KDM8: variants seen among roughly 807,000 people sequenced by gnomAD.
The protein encoded by KDM8 is bifunctional peptidase and arginyl-hydroxylase JMJD5.
Under a neutral mutation model 46.9 loss-of-function variants are expected in KDM8, and 35 were observed. The ratio of observed to expected loss-of-function variants is 0.75; its 90% CI spans 0.57 to 0.99. The LOEUF is 0.99. Ranked by LOEUF, KDM8 falls within the 50% of genes least tolerant of loss-of-function variation. KDM8 has a pLI of 0.00. For synonymous variants in KDM8, 232 were observed against 227.7 expected (o/e 1.02, Z -0.17); for missense variants, 475 against 537.0 (o/e 0.88, Z 1.14).
intron 6 of KDM8, 116 bp from the exon 7 acceptor site, chr16:27,220,277 G>T: frequency 1.2e-6 from 1 of 816,154 alleles, no homozygotes; most frequent in South Asian, 1.4e-5. Flanking sequence ...TGTGTGTGGT[G>T]GGGAAGGGCA....
chr16:27,210,632 G>A lies in KDM8; in HGVS notation c.498+11G>A. 1 of 1,501,990 alleles carries A rather than the reference G, an allele frequency of 6.7e-7. No homozygotes were observed. Among genetic ancestry groups the A allele is most frequent in the Non-Finnish European group, 8.9e-7 (1 of 1,125,424 alleles). The allele number at this position is 1,501,990 out of a possible 1,614,324, so 93.0% of individuals were successfully genotyped here. On this transcript the variant is annotated intron_variant, in intron 2 of 7. Coordinates refer to ENST00000286096, the MANE Select transcript of KDM8 (RefSeq NM_024773.3). ...CAACCCTGCACAAAGGTATGTGGGGGAGATTCTCCCCAAGCACACTAGCCA... is the reference window on the plus strand; with the variant it reads ...CAACCCTGCACAAAGGTATGTGGGGAAGATTCTCCCCAAGCACACTAGCCA...
At chr16:27,218,848 AAC>A (rs1255600576) in intron 5 of KDM8, 111 bp from the exon 6 acceptor site, 1,297 of 1,202,502 alleles carry the variant, frequency 1.1e-3, no homozygotes, top group Middle Eastern at 1.5e-3. Context: ...CCCTGTCTCA[AAC>A]ACACACACAC....
chr16:27,212,832 C>T (rs2083500225), intron 2 of KDM8, among the ~76,000 whole-genome samples: 1 of 152,228 alleles, frequency 6.6e-6, no homozygotes, highest in Admixed American at 6.5e-5. Context: ...GCTGGGACTA[C>T]AGGCATGTAC....
intron 1 of KDM8, among the ~76,000 whole-genome samples, chr16:27,209,858 G>A (rs551202997): frequency 1.7e-4 from 26 of 152,306 alleles, no homozygotes; most frequent in African/African-American, 5.8e-4. Context: ...GACAATACAC[G>A]TTCCTTTCTG....
At chr16:27,219,872 A>C (rs1034921030) in intron 6 of KDM8, among the ~76,000 whole-genome samples, 1 of 152,218 alleles carries the variant, frequency 6.6e-6, no homozygotes, top group South Asian at 2.1e-4. Context: ...GCGCCTAATA[A>C]TTGTGGGCTC....
rs760119768 is a variant in KDM8 at position 27,220,488 on chromosome 16, G to A, written c.1086+3G>A. 2 of 1,614,114 alleles carry A rather than the reference G, an allele frequency of 1.2e-6. No individual in the cohort carries two copies. The highest frequency in any genetic ancestry group is 1.7e-6 in the Non-Finnish European group (2 of 1,179,966). Reference sequence around the variant, plus strand: ...ACCTTCTCCATAACACGAGCCAGGTGGGCACTGGGGGTCTGGGGTGACGTT... The same window carrying A: ...ACCTTCTCCATAACACGAGCCAGGTAGGCACTGGGGGTCTGGGGTGACGTT... On this transcript the variant is annotated splice_donor_region_variant and intron_variant, in intron 7 of 7. Transcript: ENST00000286096.
chr16:27,210,576 A>G lies in KDM8; in HGVS notation c.453A>G (p.Gly151=). 6.6e-7 allele frequency: 1 copy of G among 1,518,934 alleles called. No individual in the cohort carries two copies. The highest frequency in any genetic ancestry group is 8.8e-7 in the Non-Finnish European group (1 of 1,133,648). The allele number at this position is 1,518,934 out of a possible 1,614,324, so 94.1% of individuals were successfully genotyped here. Residue 151 remains glycine, a synonymous_variant, in exon 2 of 8, where the codon GGA becomes GGG. Transcript: ENST00000286096. ...VAAILQTHLP[G]KRPARGSLPE... The stretch of plus-strand genomic sequence containing the variant: ...CCATCCTCCAGACACACCTCCCTGG[A>G]AAGAGGCCTGCCCGTGGCTCCCTCC...
intron 1 of KDM8, among the ~76,000 whole-genome samples, chr16:27,207,917 T>G (rs1287620298): frequency 3.9e-5 from 6 of 152,190 alleles, no homozygotes; most frequent in Admixed American, 3.9e-4. Context: ...GGAGGCCATT[T>G]CAAGTGGCTT....
intron 5 of KDM8, among the ~76,000 whole-genome samples, chr16:27,217,324 G>A (rs1262687451): frequency 3.3e-5 from 5 of 152,154 alleles, no homozygotes; most frequent in South Asian, 2.1e-4. Flanking sequence ...GTCACATCTC[G>A]GGAGCACTGA....
intron 5 of KDM8, among the ~76,000 whole-genome samples, chr16:27,216,872 TG>T (rs1295870323): frequency 2.0e-5 from 3 of 152,126 alleles, no homozygotes; most frequent in Non-Finnish European, 4.4e-5. Context: ...CTGGTCATCC[TG>T]GGGGCATGGC....
chr16:27,216,113 A>G, intron 5 of KDM8, 124 bp downstream of exon 5: 1 of 1,045,348 alleles, frequency 9.6e-7, no homozygotes, highest in Non-Finnish European at 1.5e-6. Context: ...GAGGCTAGGA[A>G]GGTGACAGGA....
At chr16:27,218,662 C>A (rs899740070) in intron 5 of KDM8, among the ~76,000 whole-genome samples, 1 of 152,174 alleles carries the variant, frequency 6.6e-6, no homozygotes, top group South Asian at 2.1e-4. Flanking sequence ...TGCAACATGG[C>A]GAAACCCTGT....
chr16:27,204,356 C>T, intron 1 of KDM8: 1 of 1,346,144 alleles, frequency 7.4e-7, no homozygotes, highest in South Asian at 1.8e-5. Context: ...GCCACACGGA[C>T]GACCCAAACA....
At chr16:27,212,380 A>T (rs1375630629) in intron 2 of KDM8, among the ~76,000 whole-genome samples, 1 of 151,866 alleles carries the variant, frequency 6.6e-6, no homozygotes, top group Non-Finnish European at 1.5e-5. Flanking sequence ...CTTTTGTTTC[A>T]TTTTTTTTAC....
chr16:27,210,153 G>A lies in KDM8; in HGVS notation c.30G>A (p.Glu10=). 6.2e-7 allele frequency: 1 copy of A among 1,613,436 alleles called. No homozygotes were observed. The highest frequency in any genetic ancestry group is 8.5e-7 in the Non-Finnish European group (1 of 1,180,016). Residue 10 remains glutamate (E), a synonymous_variant, in exon 2 of 8, where the codon GAG becomes GAA. Coordinates refer to ENST00000286096, the MANE Select transcript of KDM8 (RefSeq NM_024773.3). The part of the protein sequence containing the change: MAGDTHCPA[E]PLAREGTLWE... ...CTGGAGACACCCACTGCCCCGCAGA[G>A]CCCCTGGCCAGAGAAGGCACTTTAT...
At chr16:27,206,761 G>C (rs1342788298) in intron 1 of KDM8, among the ~76,000 whole-genome samples, 1 of 152,224 alleles carries the variant, frequency 6.6e-6, no homozygotes, top group Non-Finnish European at 1.5e-5. Flanking sequence ...AGGCCATTCA[G>C]AAAGGCAGTG....
rs114635589 is a variant in KDM8, at chr16:27,205,536, C to T, written c.-32+1900C>T. On this transcript the variant is annotated intron_variant, in intron 1 of 7. Coordinates refer to ENST00000286096, the MANE Select transcript of KDM8 (RefSeq NM_024773.3). ...CTATACCTGACCGCCCCCCTCCCCACAAAAATAAATAAAGCCTTCTCTGGG... is the reference window on the plus strand; with the variant it reads ...CTATACCTGACCGCCCCCCTCCCCATAAAAATAAATAAAGCCTTCTCTGGG... Among the ~76,000 whole-genome samples the T allele has an allele frequency of 3.4e-3, 513 of 152,238 alleles. 3 individuals carry two copies. Among genetic ancestry groups the T allele is most frequent in the African/African-American group, 0.011 (477 of 41,542 alleles).
At chr16:27,205,095 T>C (rs1203708228) in intron 1 of KDM8, among the ~76,000 whole-genome samples, 1 of 152,164 alleles carries the variant, frequency 6.6e-6, no homozygotes, top group Non-Finnish European at 1.5e-5. Flanking sequence ...GAGGGATATA[T>C]CCCATAACCT....
intron 1 of KDM8, chr16:27,206,349 C>A: frequency 3.6e-6 from 1 of 275,308 alleles, no homozygotes. Context: ...CTCAGCTCAC[C>A]CCAACCTCTG....
Sources: allele counts gnomAD v4.1 joint callset (sites outside exome capture counted in the v4.1 genomes callset), GRCh38; gene constraint gnomAD v4.1.1; transcripts MANE v1.5; gene names NCBI Gene and HGNC (gene_info 2026-07-23, HGNC 2026-07-21).